Variants in AJUBA observed in about 807,000 individuals in gnomAD.
The protein encoded by AJUBA is LIM domain-containing protein ajuba.
A neutral mutation model predicts 53.3 loss-of-function variants in AJUBA; 20 were observed. The ratio of observed to expected loss-of-function variants is 0.38; its 90% CI spans 0.26 to 0.55. AJUBA has a LOEUF of 0.55. Among genes scored for constraint, AJUBA ranks in the 20% least tolerant of loss-of-function variants. The probability of loss-of-function intolerance (pLI) is 0.80; values close to 1 mark genes in which losing one functional copy is unlikely to be tolerated. For missense variants in AJUBA, 580 were observed against 730.5 expected, an observed-to-expected ratio of 0.79 and a Z score of 2.38; for synonymous variants, 296 against 306.2, an observed-to-expected ratio of 0.97 and a Z score of 0.35.
In AJUBA at chr14:22,979,540, G is replaced by A. The variant is rs757917187; in HGVS notation, c.1007-1095C>T. On this transcript the variant is annotated intron_variant, in intron 1 of 7. Coordinates refer to ENST00000262713, the MANE Select transcript of AJUBA (RefSeq NM_032876.6). This position sits in a 1 kb window ranked among gnomAD's most constrained non-coding sequence, Gnocchi z 4.0. The stretch of plus-strand genomic sequence containing the variant: ...AGGGTACAGTCAAGCTGGGGCTAGC[G>A]GCACAAGGGGTATGTAGGGGTTCTG... Among the ~76,000 whole-genome samples the A allele has an allele frequency of 1.3e-5, 2 of 152,346 alleles. No individual in the cohort carries two copies. The highest frequency in any genetic ancestry group is 3.9e-4 in the East Asian group (2 of 5,188).
chr14:22,981,735 G>T lies in AJUBA; in HGVS notation c.532C>A (p.Pro178Thr), dbSNP rs1258855955. ...GYDQRHGSPL[P>T]AGPCLFGPPL... ...GGGCCAAACAGGCACGGCCCCGCTG[G>T]CAAGGGGCTCCCGTGGCGCTGGTCG... Residue 178 changes from proline to threonine, a missense_variant, in exon 1 of 8, where the codon CCA becomes ACA. Transcript: ENST00000262713. The T allele has an allele frequency of 1.3e-6, 2 of 1,533,202 alleles. No individual in the cohort carries two copies. The highest frequency in any genetic ancestry group is 8.7e-7 in the Non-Finnish European group (1 of 1,144,810). 95.0% of individuals were successfully genotyped at this position (1,533,202 alleles called of 1,614,324 possible). A position where few individuals can be genotyped will look rare whatever the true frequency, so the allele number is the denominator to read the frequency against.
At position 22,981,742 on chromosome 14, in the gene AJUBA, G is replaced by A; in HGVS notation, c.525C>T (p.Ser175=). ...ACAGGCACGGCCCCGCTGGCAAGGG[G>A]CTCCCGTGGCGCTGGTCGTAGCCCA... is the stretch of plus-strand genomic sequence containing the variant. ...ISMGYDQRHG[S]PLPAGPCLFG... is the part of the protein sequence containing the mutation. The change falls in exon 1 of 8, where the codon AGC becomes AGT. Residue 175 remains serine, a synonymous_variant. Coordinates refer to ENST00000262713, the MANE Select transcript of AJUBA (RefSeq NM_032876.6). The A allele has an allele frequency of 6.5e-7, 1 of 1,533,662 alleles. No individual in the cohort carries two copies.
chr14:22,977,050 G>T (rs560068509), intron 2 of AJUBA: 1 of 1,190,298 alleles, frequency 8.4e-7, no homozygotes, highest in Non-Finnish European at 1.0e-6. Context: ...GCTGGAATAC[G>T]TGAGCTCTTA....
intron 1 of AJUBA, 93 bp from the exon 2 acceptor site, chr14:22,978,538 TCA>T: frequency 6.5e-7 from 1 of 1,529,280 alleles, no homozygotes; most frequent in Non-Finnish European, 8.8e-7. Flanking sequence ...GTGCCAGGGG[TCA>T]CAGTCTCCCT....
In AJUBA at chr14:22,979,001, G is replaced by A; in HGVS notation, c.1007-556C>T. The A allele has an allele frequency of 1.6e-6, 2 of 1,289,202 alleles. No individual in the cohort carries two copies. The highest frequency in any genetic ancestry group is 2.0e-6 in the Non-Finnish European group (2 of 988,702). The allele number at this position is 1,289,202 out of a possible 1,614,324, so 79.9% of individuals were successfully genotyped here. A position where few individuals can be genotyped will look rare whatever the true frequency, so the allele number is the denominator to read the frequency against. On this transcript the variant is annotated intron_variant, in intron 1 of 7. Coordinates refer to ENST00000262713, the MANE Select transcript of AJUBA (RefSeq NM_032876.6). This position sits in a 1 kb window ranked among gnomAD's most constrained non-coding sequence, Gnocchi z 4.0. ...GGAGAAAAGGATCTGGCTTGGCAGA[G>A]GGCTCCGTGCAGAGGGGACCATGTG... is the stretch of plus-strand genomic sequence containing the variant.
rs2045112152 is a variant in AJUBA, at chr14:22,982,376, G to A, written c.-110C>T. 5 of 1,529,322 alleles carry A rather than the reference G, an allele frequency of 3.3e-6. No homozygotes were observed. The highest frequency in any genetic ancestry group is 3.5e-6 in the Non-Finnish European group (4 of 1,149,868). The allele number at this position is 1,529,322 out of a possible 1,614,324, so 94.7% of individuals were successfully genotyped here. ...ACTCTGGTTCCCCAGGGGCACAGGGGAGGCACAGGGGCTTAGCGGGCGGCC... is the reference window on the plus strand; with the variant it reads ...ACTCTGGTTCCCCAGGGGCACAGGGAAGGCACAGGGGCTTAGCGGGCGGCC... On this transcript the variant is annotated 5_prime_UTR_variant, in exon 1 of 8. Transcript: ENST00000262713.
At position 22,982,007 on chromosome 14, in the gene AJUBA, C is replaced by T. The variant is rs774210730; in HGVS notation, c.260G>A (p.Gly87Asp). 2 of 1,586,514 alleles carry T rather than the reference C, an allele frequency of 1.3e-6. No individual in the cohort carries two copies. Among genetic ancestry groups the T allele is most frequent in the Non-Finnish European group, 8.5e-7 (1 of 1,171,446 alleles). The change falls in exon 1 of 8, where the codon GGC (glycine) becomes GAC (aspartate). Residue 87 changes from glycine to aspartate, a missense_variant. By Grantham distance (94) the Gly-to-Asp change is moderately conservative. Coordinates refer to ENST00000262713, the MANE Select transcript of AJUBA (RefSeq NM_032876.6). ...RGSFEAPRYE[G>D]SFPAGPPPTR... The stretch of plus-strand genomic sequence containing the variant: ...GGGCGGCGGCCCCGCGGGAAAAGAG[C>T]CTTCGTAGCGCGGCGCCTCAAAGGA...
chr14:22,973,261 G>T lies in AJUBA; in HGVS notation c.*182C>A. On this transcript the variant is annotated 3_prime_UTR_variant, in exon 8 of 8. Coordinates refer to ENST00000262713, the MANE Select transcript of AJUBA (RefSeq NM_032876.6). ...GTCGCCCCCACCCTGGTAAATATAA[G>T]GTTTCTCTTCCACAATCCATTTGGA... The T allele has an allele frequency of 1.0e-6, 1 of 954,198 alleles. No homozygotes were observed. Among genetic ancestry groups the T allele is most frequent in the Non-Finnish European group, 1.5e-6 (1 of 659,290 alleles). The allele number at this position is 954,198 out of a possible 1,614,324, so 59.1% of individuals were successfully genotyped here. A position where few individuals can be genotyped will look rare whatever the true frequency, so the allele number is the denominator to read the frequency against.
chr14:22,977,873 G>A (rs1403401913), intron 2 of AJUBA: 1 of 155,492 alleles, frequency 6.4e-6, no homozygotes, highest in Admixed American at 6.2e-5. Flanking sequence ...ATGGCCCGGT[G>A]GCCTGCACTC....
rs534346591 is a variant in AJUBA at position 22,973,308 on chromosome 14, C to T, written c.*135G>A. ...TGGAATATCATGATCTTTGGGTCTC[C>T]GGCCCTTGGGGTCCTCCCCAGAGGA... On this transcript the variant is annotated 3_prime_UTR_variant, in exon 8 of 8. Transcript: ENST00000262713. 54 of 1,297,534 alleles carry T rather than the reference C, an allele frequency of 4.2e-5. No individual in the cohort carries two copies. The South Asian group carries it at 6.7e-4, about 16-fold the overall frequency. 80.4% of individuals were successfully genotyped at this position (1,297,534 alleles called of 1,614,324 possible).
intron 4 of AJUBA, 127 bp from the exon 5 acceptor site, chr14:22,975,231 T>G: frequency 7.6e-7 from 1 of 1,324,108 alleles, no homozygotes; most frequent in East Asian, 2.4e-5. Flanking sequence ...CAATGCTATG[T>G]AATGTCGGTG....
intron 2 of AJUBA, among the ~76,000 whole-genome samples, chr14:22,978,087 G>A (rs1337923863): frequency 6.6e-6 from 1 of 151,862 alleles, no homozygotes; most frequent in Non-Finnish European, 1.5e-5. Context: ...GGAAGCACGA[G>A]AGGGAGAAAC....
At chr14:22,976,901 C>G (rs1278013993) in intron 2 of AJUBA, 189 bp from the exon 3 acceptor site, 32 of 1,412,082 alleles carry the variant, frequency 2.3e-5, no homozygotes, top group Non-Finnish European at 4.6e-6. Context: ...GGCTTCATTC[C>G]AGCCAACTTC....
rs1285610066 is a variant in AJUBA, at chr14:22,973,462, G to A, written c.1598C>T (p.Pro533Leu). 4.3e-6 allele frequency: 7 copies of A among 1,612,326 alleles called. No individual in the cohort carries two copies. In the African/African-American group the frequency reaches 5.3e-5, roughly 12 times the overall value. The change falls in exon 8 of 8, where the codon CCC becomes CTC. Residue 533 changes from proline to leucine, a missense_variant. Around this residue, in one of 2 missense-constraint regions of AJUBA, gnomAD observed 150 missense variants for 259.0 expected, o/e 0.58. Transcript: ENST00000262713. ...CHMQRLNARQ[P>L]PANYI is the part of the protein sequence containing the mutation. ...TGCAGCTCAGATATAGTTGGCAGGG[G>A]GTTGTCGGGCATTGAGCCGCTGCAT...
rs1293903399 is a variant in AJUBA at position 22,979,665 on chromosome 14, T to A, written c.1007-1220A>T. 6.6e-6 allele frequency among the ~76,000 whole-genome samples: 1 copy of A among 152,178 alleles called. No homozygotes were observed. The highest frequency in any genetic ancestry group is 1.5e-5 in the Non-Finnish European group (1 of 68,022). The stretch of plus-strand genomic sequence containing the variant: ...GTGAAGATCTGCCCCAAGATTGCCA[T>A]GCCAGGGGGTCCTGTCGGAGCCATT... On this transcript the variant is annotated intron_variant, in intron 1 of 7. Transcript: ENST00000262713. This position sits in a 1 kb window ranked among gnomAD's most constrained non-coding sequence, Gnocchi z 4.0.
At position 22,982,538 on chromosome 14, in the gene AJUBA, C is replaced by T. The variant is rs543921202; in HGVS notation, c.-272G>A. 32 of 1,309,718 alleles carry T rather than the reference C, an allele frequency of 2.4e-5. No homozygotes were observed. Among genetic ancestry groups the T allele is most frequent in the Non-Finnish European group, 3.1e-5 (32 of 1,029,618 alleles). 81.1% of individuals were successfully genotyped at this position (1,309,718 alleles called of 1,614,324 possible). On this transcript the variant is annotated 5_prime_UTR_variant, in exon 1 of 8. Transcript: ENST00000262713. ...TCCGCAGGTCTATCTGTTCACGCGT[C>T]GACTCGCCCGACTGCCCCACTCTCC... is the stretch of plus-strand genomic sequence containing the variant.
chr14:22,974,930 T>C, intron 5 of AJUBA, 40 bp from the exon 6 acceptor site: 1 of 1,613,916 alleles, frequency 6.2e-7, no homozygotes, highest in Non-Finnish European at 8.5e-7. Context: ...GGCTGGGGAA[T>C]CCCTGGACCC....
Position 22,973,330 on chromosome 14 carries a change from A to T in AJUBA, c.*113T>A. The T allele has an allele frequency of 2.1e-6, 3 of 1,459,710 alleles. No homozygotes were observed. Among genetic ancestry groups the T allele is most frequent in the Non-Finnish European group, 2.8e-6 (3 of 1,081,150 alleles). 90.4% of individuals were successfully genotyped at this position (1,459,710 alleles called of 1,614,324 possible). A position where few individuals can be genotyped will look rare whatever the true frequency, so the allele number is the denominator to read the frequency against. On this transcript the variant is annotated 3_prime_UTR_variant, in exon 8 of 8. Transcript: ENST00000262713. ...CTCCGGCCCTTGGGGTCCTCCCCAG[A>T]GGACTCTTCTGCCAGGCCTGCAGAG... is the stretch of plus-strand genomic sequence containing the variant.
Position 22,979,169 on chromosome 14 carries a change from T to A in AJUBA, c.1007-724A>T, listed in dbSNP as rs2045065014. The A allele has an allele frequency of 8.4e-7, 1 of 1,184,180 alleles. No individual in the cohort carries two copies. The highest frequency in any genetic ancestry group is 1.1e-6 in the Non-Finnish European group (1 of 938,324). 73.4% of individuals were successfully genotyped at this position (1,184,180 alleles called of 1,614,324 possible). ...TCATGGGAAGAATACAGAACTGAAC[T>A]GCTTGCTATTCCCCAAAATCCCCCA... is the stretch of plus-strand genomic sequence containing the variant. On this transcript the variant is annotated intron_variant, in intron 1 of 7. Transcript: ENST00000262713. The surrounding 1 kb of genome is among the most constrained non-coding windows in gnomAD (Gnocchi z 4.0).
Sources: gnomAD v4.1 joint callset for allele counts (sites outside exome capture counted in the v4.1 genomes callset) on GRCh38, gnomAD v4.1.1 for gene constraint, gnomAD v4.1.1 regional missense constraint, Gnocchi (gnomAD v3.1) non-coding constraint, MANE v1.5 for transcripts, NCBI Gene and HGNC (gene_info 2026-07-23, HGNC 2026-07-21) for gene names.